Variants in ADGRD1 observed in about 807,000 individuals in gnomAD.
ADGRD1 encodes G-protein coupled receptor 133.
ADGRD1 carries 77 observed loss-of-function variants against 113.4 expected under a neutral mutation model. The ratio of observed to expected loss-of-function variants is 0.68; its 90% CI spans 0.57 to 0.82. The LOEUF (loss-of-function observed/expected upper bound fraction) is 0.82. Ranked by LOEUF, ADGRD1 falls within the 40% of genes least tolerant of loss-of-function variation. The probability of loss-of-function intolerance (pLI) is 0.00; values close to 1 mark genes in which losing one functional copy is unlikely to be tolerated. For synonymous variants in ADGRD1, 474 were observed against 475.0 expected, an observed-to-expected ratio of 1.00 and a Z score of 0.03; for missense variants, 1,036 against 1,139.1, an observed-to-expected ratio of 0.91 and a Z score of 1.30.
At position 131,027,943 on chromosome 12, in the gene ADGRD1, C is replaced by G. The variant is rs1365294788; in HGVS notation, c.1473+13603C>G. 2.0e-5 allele frequency: 3 copies of G among 152,222 alleles called. No individual in the cohort carries two copies. In the East Asian group the frequency reaches 5.8e-4, roughly 29 times the overall value. The allele number at this position is 152,222 out of a possible 1,614,324, so 9.4% of individuals were successfully genotyped here. A position where few individuals can be genotyped will look rare whatever the true frequency, so the allele number is the denominator to read the frequency against. On this transcript the variant is annotated intron_variant, in intron 13 of 24. Coordinates refer to ENST00000261654, the MANE Select transcript of ADGRD1 (RefSeq NM_198827.5). The surrounding 1 kb of genome is among the most constrained non-coding windows in gnomAD (Gnocchi z 5.1). ...CAGCAGAACAGAGCTGCCGGATGTT[C>G]TAGTGAGCGCGTTTCTGCTGGTGAA...
intron 15 of ADGRD1, among the ~76,000 whole-genome samples, chr12:131,090,178 T>G (rs1231356547): frequency 2.0e-5 from 3 of 152,206 alleles, no homozygotes; most frequent in Non-Finnish European, 4.4e-5. Flanking sequence ...ATCTATTCAT[T>G]GCCAGAAAAG....
chr12:131,080,008 GCTTT>G (rs545026515), intron 14 of ADGRD1, among the ~76,000 whole-genome samples: 53 of 152,042 alleles, frequency 3.5e-4, no homozygotes, highest in African/African-American at 1.1e-3. Context: ...ACTTCCTTCA[GCTTT>G]CTTTGAGTTT....
intron 15 of ADGRD1, among the ~76,000 whole-genome samples, chr12:131,089,463 G>A (rs1444007516): frequency 6.6e-6 from 1 of 152,210 alleles, no homozygotes; most frequent in African/African-American, 2.4e-5. Context: ...CCGACCACCT[G>A]GGAGTAAGGG....
chr12:131,085,025 C>A (rs541923159), intron 15 of ADGRD1, among the ~76,000 whole-genome samples: 23 of 152,182 alleles, frequency 1.5e-4, no homozygotes, highest in African/African-American at 5.6e-4. Context: ...CTGGGGGCTC[C>A]GCTGTAAACA....
At chr12:130,991,875 A>G (rs1874432284) in intron 7 of ADGRD1, among the ~76,000 whole-genome samples, 1 of 152,082 alleles carries the variant, frequency 6.6e-6, no homozygotes, top group Non-Finnish European at 1.5e-5. Flanking sequence ...AATCCCAGCA[A>G]TTTGGGAGGT....
intron 15 of ADGRD1, among the ~76,000 whole-genome samples, chr12:131,101,811 A>G (rs948706059): frequency 1.3e-5 from 2 of 152,188 alleles, no homozygotes; most frequent in African/African-American, 4.8e-5. Flanking sequence ...CTAGGCAGAG[A>G]TCAGTGTGAG....
rs1202660139 is a variant in ADGRD1, at chr12:131,008,314, GC to G, written c.1331+2269del. Among the ~76,000 whole-genome samples the G allele has an allele frequency of 3.3e-5, 5 of 152,366 alleles. No individual in the cohort carries two copies. In the South Asian group the frequency reaches 8.3e-4, roughly 25 times the overall value. ...GCAGCACGTTTATGTGCGCACATAT[GC>G]CGGGTTCCTGCCAGCCTGCAGGGGA... On this transcript the variant is annotated intron_variant, in intron 12 of 24. Coordinates refer to ENST00000261654, the MANE Select transcript of ADGRD1 (RefSeq NM_198827.5).
chr12:131,111,263 T>G (rs1358679335), intron 18 of ADGRD1, among the ~76,000 whole-genome samples: 1 of 152,106 alleles, frequency 6.6e-6, no homozygotes, highest in East Asian at 1.9e-4. Context: ...TGGCTAATTT[T>G]TGTATTTTTG....
At chr12:131,063,964 A>C (rs1413941891) in intron 13 of ADGRD1, among the ~76,000 whole-genome samples, 1 of 152,080 alleles carries the variant, frequency 6.6e-6, no homozygotes, top group Admixed American at 6.6e-5. Flanking sequence ...GGTTTTCTTC[A>C]TCTGTATTTT....
intron 20 of ADGRD1, among the ~76,000 whole-genome samples, chr12:131,121,529 C>CCT (rs1227103119): frequency 1.3e-5 from 2 of 152,172 alleles, no homozygotes; most frequent in Non-Finnish European, 2.9e-5. Flanking sequence ...TACAGCCATG[C>CCT]GCCACCACGC....
chr12:131,023,500 C>G (rs1360474399), intron 13 of ADGRD1: 1 of 151,948 alleles, frequency 6.6e-6, no homozygotes, highest in Non-Finnish European at 1.5e-5. Flanking sequence ...CTCTTTTGTG[C>G]CAAATGAACA....
chr12:131,031,338 T>G (rs1248511910), intron 13 of ADGRD1, among the ~76,000 whole-genome samples: 1 of 152,202 alleles, frequency 6.6e-6, no homozygotes, highest in Admixed American at 6.5e-5. Context: ...AGGCCTGGCT[T>G]AGCCTCTTGC....
intron 2 of ADGRD1, among the ~76,000 whole-genome samples, chr12:130,963,340 AAAG>A (rs1290517685): frequency 0.017 from 2,359 of 142,144 alleles, 29 homozygotes; most frequent in African/African-American, 0.033. Context: ...AAAAAAAAAA[AAAG>A]AAAGAAAAAT....
chr12:130,984,959 C>G lies in ADGRD1; in HGVS notation c.491-2136C>G, dbSNP rs1019244983. 1.9e-4 allele frequency among the ~76,000 whole-genome samples: 28 copies of G among 151,134 alleles called. No homozygotes were observed. The highest frequency in any genetic ancestry group is 6.8e-4 in the African/African-American group (28 of 41,102). ...TTTCTCTCTTTCTTTCTTTTTCTTTCTGACAGGATCTGTCATCCAGGCTGG... is the reference window on the plus strand; with the variant it reads ...TTTCTCTCTTTCTTTCTTTTTCTTTGTGACAGGATCTGTCATCCAGGCTGG... On this transcript the variant is annotated intron_variant, in intron 5 of 24. Coordinates refer to ENST00000261654, the MANE Select transcript of ADGRD1 (RefSeq NM_198827.5). This position sits in a 1 kb window ranked among gnomAD's most constrained non-coding sequence, Gnocchi z 4.1.
intron 2 of ADGRD1, chr12:130,956,748 A>G (rs1593249638): frequency 6.6e-6 from 1 of 152,344 alleles, no homozygotes; most frequent in South Asian, 2.1e-4. Flanking sequence ...TCTGCTTATG[A>G]TACAGAGCCC....
intron 2 of ADGRD1, among the ~76,000 whole-genome samples, chr12:130,956,177 G>A (rs1269036396): frequency 2.6e-5 from 4 of 152,214 alleles, no homozygotes; most frequent in Admixed American, 6.5e-5. Flanking sequence ...TCCAGGGAGA[G>A]CCCCTTTCCT....
At chr12:131,093,485 C>T (rs1471385237) in intron 15 of ADGRD1, among the ~76,000 whole-genome samples, 3 of 152,184 alleles carry the variant, frequency 2.0e-5, no homozygotes, top group Admixed American at 6.5e-5. Context: ...CCTTGAGCCT[C>T]TCAGATGGGC....
At chr12:131,078,542 T>C (rs182368571) in intron 14 of ADGRD1, among the ~76,000 whole-genome samples, 1 of 152,294 alleles carries the variant, frequency 6.6e-6, no homozygotes, top group African/African-American at 2.4e-5. Context: ...GAGAAAAAAA[T>C]TATGACTAGA....
Position 131,003,565 on chromosome 12 carries a change from G to A in ADGRD1, c.1144+263G>A, listed in dbSNP as rs1208953271. Among the ~76,000 whole-genome samples, 2 of 152,230 alleles carry A rather than the reference G, an allele frequency of 1.3e-5. No homozygotes were observed. Reference sequence around the variant, plus strand: ...GCCCTGGGATGATGGTCTCGGTTCAGAGCAGGAGGCAGAAGCAGCAGTGCC... The same window carrying A: ...GCCCTGGGATGATGGTCTCGGTTCAAAGCAGGAGGCAGAAGCAGCAGTGCC... On this transcript the variant is annotated intron_variant, in intron 10 of 24. Coordinates refer to ENST00000261654, the MANE Select transcript of ADGRD1 (RefSeq NM_198827.5). This position sits in a 1 kb window ranked among gnomAD's most constrained non-coding sequence, Gnocchi z 4.8.
Sources: gnomAD v4.1 joint callset for allele counts (sites outside exome capture counted in the v4.1 genomes callset) on GRCh38, gnomAD v4.1.1 for gene constraint, Gnocchi (gnomAD v3.1) non-coding constraint, MANE v1.5 for transcripts, NCBI Gene and HGNC (gene_info 2026-07-23, HGNC 2026-07-21) for gene names.